LRRC8D: variants seen among roughly 807,000 people sequenced by gnomAD.
LRRC8D encodes the protein leucine rich repeat containing 8 VRAC subunit D.
Under a neutral mutation model 55.8 loss-of-function variants are expected in LRRC8D, and 20 were observed. The observed-to-expected ratio is 0.36, with a 90% CI of 0.25 to 0.52. The LOEUF (loss-of-function observed/expected upper bound fraction) is 0.52. LRRC8D is among the 20% of genes least tolerant of loss of function. The pLI, the probability that LRRC8D is intolerant of heterozygous loss-of-function variation, is 0.93. For synonymous variants in LRRC8D, 352 were observed against 377.0 expected (o/e 0.93, Z 0.77); for missense variants, 651 against 1,030.8 (o/e 0.63, Z 5.05).
At chr1:89,831,448 G>C (rs1660884103) in intron 1 of LRRC8D, among the ~76,000 whole-genome samples, 1 of 152,098 alleles carries the variant, frequency 6.6e-6, no homozygotes, top group Non-Finnish European at 1.5e-5. Flanking sequence ...ATATAAAAGG[G>C]GAGAGGACCG....
At chr1:89,848,359 A>G (rs1241492543) in intron 2 of LRRC8D, among the ~76,000 whole-genome samples, 1 of 152,146 alleles carries the variant, frequency 6.6e-6, no homozygotes, top group Non-Finnish European at 1.5e-5. Flanking sequence ...AGGCTTCCCA[A>G]TCTTAACCTT....
intron 1 of LRRC8D, 195 bp from the exon 2 acceptor site, chr1:89,843,443 C>T (rs1407686704): frequency 5.2e-6 from 2 of 381,400 alleles, no homozygotes; most frequent in African/African-American, 4.2e-5. Flanking sequence ...CGGGCCGAGG[C>T]CGCGCCACCT....
At chr1:89,869,505 G>T (rs1355727672) in intron 2 of LRRC8D, among the ~76,000 whole-genome samples, 6 of 152,108 alleles carry the variant, frequency 3.9e-5, no homozygotes, top group African/African-American at 1.4e-4. Context: ...AAAGTGATGG[G>T]GAGAATGGAA....
At chr1:89,897,747 G>C (rs1356772206) in intron 2 of LRRC8D, among the ~76,000 whole-genome samples, 1 of 152,150 alleles carries the variant, frequency 6.6e-6, no homozygotes, top group Non-Finnish European at 1.5e-5. Context: ...TTTGCTGAAG[G>C]TCAATAGTTT....
chr1:89,887,432 A>G (rs1409521074), intron 2 of LRRC8D, among the ~76,000 whole-genome samples: 1 of 152,186 alleles, frequency 6.6e-6, no homozygotes, highest in African/African-American at 2.4e-5. Context: ...ACAGAATGAC[A>G]CACATGATCT....
chr1:89,874,252 C>A (rs1198814592), intron 2 of LRRC8D, among the ~76,000 whole-genome samples: 1 of 152,032 alleles, frequency 6.6e-6, no homozygotes, highest in Non-Finnish European at 1.5e-5. Flanking sequence ...AATTGTAGAC[C>A]CCTAAATTCG....
intron 1 of LRRC8D, among the ~76,000 whole-genome samples, chr1:89,841,761 A>T (rs1400893840): frequency 6.6e-6 from 1 of 152,206 alleles, no homozygotes; most frequent in East Asian, 1.9e-4. Flanking sequence ...GGTAATGGAA[A>T]AAGCCAGTAT....
At chr1:89,919,134 A>G (rs1342065206) in intron 2 of LRRC8D, among the ~76,000 whole-genome samples, 1 of 152,180 alleles carries the variant, frequency 6.6e-6, no homozygotes, top group African/African-American at 2.4e-5. Flanking sequence ...ACTGGCTAGA[A>G]TCTCCTAATA....
intron 1 of LRRC8D, among the ~76,000 whole-genome samples, chr1:89,838,465 G>A (rs4658335): frequency 0.64 from 96,984 of 152,138 alleles, 34,487 homozygotes; most frequent in East Asian, 0.83. Flanking sequence ...AAGATTAACA[G>A]ACAAAACATG....
chr1:89,885,227 C>A (rs1240139424), intron 2 of LRRC8D, among the ~76,000 whole-genome samples: 3 of 152,214 alleles, frequency 2.0e-5, no homozygotes, highest in Non-Finnish European at 4.4e-5. Context: ...TTTTTGGCTT[C>A]ATCCAGGGAT....
chr1:89,917,878 A>C (rs1663313860), intron 2 of LRRC8D, among the ~76,000 whole-genome samples: 1 of 152,116 alleles, frequency 6.6e-6, no homozygotes, highest in African/African-American at 2.4e-5. Context: ...CTCAGCCTGT[A>C]CCTCTTGTTG....
At chr1:89,835,174 G>T (rs1660975644) in intron 1 of LRRC8D, among the ~76,000 whole-genome samples, 1 of 152,198 alleles carries the variant, frequency 6.6e-6, no homozygotes, top group African/African-American at 2.4e-5. Flanking sequence ...ATCTTGGGTA[G>T]GGCCTGGGAA....
At position 89,934,019 on chromosome 1, in the gene LRRC8D, C is replaced by T. The variant is rs764713802; in HGVS notation, c.951C>T (p.Ala317=). 1.2e-5 allele frequency: 20 copies of T among 1,614,040 alleles called. No individual in the cohort carries two copies. The highest frequency in any genetic ancestry group is 1.6e-5 in the Non-Finnish European group (19 of 1,180,030). Reference sequence around the variant, plus strand: ...TGGTCCAAACAGTTATCAAAACAGCCAAGTTCATTTTTATTCTCTGCTATA... The same window carrying T: ...TGGTCCAAACAGTTATCAAAACAGCTAAGTTCATTTTTATTCTCTGCTATA... ...LYVVQTVIKT[A]KFIFILCYTA... Residue 317 remains alanine (A), a synonymous_variant, in exon 3 of 3, where the codon GCC becomes GCT. Transcript: ENST00000337338. This position sits in a 1 kb window ranked among gnomAD's most constrained non-coding sequence, Gnocchi z 5.9.
intron 2 of LRRC8D, 68 bp from the exon 3 acceptor site, chr1:89,932,999 G>C: frequency 7.1e-7 from 1 of 1,407,472 alleles, no homozygotes; most frequent in South Asian, 1.4e-5. Flanking sequence ...AGCAGGCATA[G>C]GGTTTTTCTC....
chr1:89,879,587 T>C (rs1662230912), intron 2 of LRRC8D, among the ~76,000 whole-genome samples: 1 of 152,236 alleles, frequency 6.6e-6, no homozygotes. Context: ...ATGTATGATA[T>C]TGTGTATAAG....
intron 2 of LRRC8D, among the ~76,000 whole-genome samples, chr1:89,893,827 G>C (rs1163805896): frequency 6.6e-6 from 1 of 152,178 alleles, no homozygotes; most frequent in Non-Finnish European, 1.5e-5. Flanking sequence ...TGAATATCTG[G>C]AGTAATTTAA....
At chr1:89,867,551 T>C (rs1661882350) in intron 2 of LRRC8D, among the ~76,000 whole-genome samples, 1 of 152,240 alleles carries the variant, frequency 6.6e-6, no homozygotes, top group African/African-American at 2.4e-5. Flanking sequence ...GGCAGTTGTG[T>C]ATAATACTGC....
intron 2 of LRRC8D, among the ~76,000 whole-genome samples, chr1:89,873,564 T>A (rs577583679): frequency 5.9e-5 from 9 of 152,322 alleles, no homozygotes; most frequent in African/African-American, 1.9e-4. Context: ...AGGTTCCAGA[T>A]AAACAATGGA....
intron 2 of LRRC8D, among the ~76,000 whole-genome samples, chr1:89,880,844 A>G (rs1662263973): frequency 6.6e-6 from 1 of 152,176 alleles, no homozygotes; most frequent in South Asian, 2.1e-4. Context: ...TTGCTAACAT[A>G]CGTATGTCAC....
Sources: allele counts gnomAD v4.1 joint callset (sites outside exome capture counted in the v4.1 genomes callset), GRCh38; gene constraint gnomAD v4.1.1; non-coding constraint Gnocchi (gnomAD v3.1); transcripts MANE v1.5; gene names NCBI Gene and HGNC (gene_info 2026-07-23, HGNC 2026-07-21).